PCDHA1: variants seen among roughly 807,000 people sequenced by gnomAD.
PCDHA1 encodes the protein protocadherin alpha-1.
PCDHA1 carries 42 observed loss-of-function variants against 61.3 expected under a neutral mutation model. The observed-to-expected ratio is 0.69, with a 90% CI of 0.54 to 0.89. PCDHA1 has a LOEUF of 0.89. Ranked by LOEUF, PCDHA1 falls within the 40% of genes least tolerant of loss-of-function variation. PCDHA1 has a pLI of 0.00. For missense variants in PCDHA1, 1,256 were observed against 1,235.3 expected, an observed-to-expected ratio of 1.02 and a Z score of -0.25; for synonymous variants, 610 against 553.8, an observed-to-expected ratio of 1.10 and a Z score of -1.43.
chr5:140,965,877 G>C (rs1355769719), intron 1 of PCDHA1, among the ~76,000 whole-genome samples: 3 of 152,210 alleles, frequency 2.0e-5, no homozygotes, highest in Non-Finnish European at 4.4e-5. Context: ...CCACTTGGCC[G>C]AGAGCAGAAT....
At chr5:140,846,565 G>A (rs1349132740) in intron 1 of PCDHA1, among the ~76,000 whole-genome samples, 1 of 147,896 alleles carries the variant, frequency 6.8e-6, no homozygotes, top group African/African-American at 2.5e-5. Flanking sequence ...TAGTAGAGTC[G>A]GGGTTTCACC....
intron 1 of PCDHA1, chr5:140,927,588 A>G (rs914756357): frequency 1.9e-6 from 3 of 1,614,210 alleles, no homozygotes; most frequent in East Asian, 2.2e-5. Context: ...ACGCGCCTGT[A>G]TTTGAGCGCT....
intron 1 of PCDHA1, chr5:140,803,183 G>A: frequency 6.2e-7 from 1 of 1,613,910 alleles, no homozygotes; most frequent in Non-Finnish European, 8.5e-7. Flanking sequence ...TGACCGCCAC[G>A]GCCACTGTGC....
At chr5:140,872,083 C>G (rs377675529) in intron 1 of PCDHA1, among the ~76,000 whole-genome samples, 1 of 152,284 alleles carries the variant, frequency 6.6e-6, no homozygotes, top group East Asian at 1.9e-4. Context: ...TGCAGTGCCA[C>G]TGCACTTAGT....
At chr5:140,983,408 A>G (rs1554245369) in intron 3 of PCDHA1, among the ~76,000 whole-genome samples, 1 of 152,208 alleles carries the variant, frequency 6.6e-6, no homozygotes, top group Non-Finnish European at 1.5e-5. Flanking sequence ...GGGAAGATTA[A>G]GTGTTGGTAG....
chr5:140,967,733 C>A (rs1473723959), intron 1 of PCDHA1: 1 of 1,614,024 alleles, frequency 6.2e-7, no homozygotes, highest in Non-Finnish European at 8.5e-7. Flanking sequence ...AATTGGGGGG[C>A]TGGATTATGA....
At chr5:140,897,009 A>G (rs550757061) in intron 1 of PCDHA1, among the ~76,000 whole-genome samples, 6 of 152,292 alleles carry the variant, frequency 3.9e-5, no homozygotes, top group African/African-American at 9.6e-5. Context: ...ATTTTTAAAT[A>G]TACAACTAAA....
intron 1 of PCDHA1, chr5:140,875,959 G>A: frequency 1.2e-6 from 2 of 1,614,070 alleles, no homozygotes; most frequent in South Asian, 1.1e-5. Flanking sequence ...TGCGGATATC[G>A]GCGTAAACTC....
At position 140,850,923 on chromosome 5, in the gene PCDHA1, AT is replaced by A. The variant is rs2150502772; in HGVS notation, c.2394+62247del. 1.2e-4 allele frequency: 181 copies of A among 1,521,692 alleles called. 10 individuals carry two copies. The South Asian group carries it at 1.6e-3, about 13-fold the overall frequency. 94.3% of individuals were successfully genotyped at this position (1,521,692 alleles called of 1,614,324 possible). ...TTCTAGCATTTTATTTATTTATATAATTTTTTTTCTTGAAAGATATTATCGA... is the reference window on the plus strand; with the variant it reads ...TTCTAGCATTTTATTTATTTATATAATTTTTTTCTTGAAAGATATTATCGA... On this transcript the variant is annotated intron_variant, in intron 1 of 3. Coordinates refer to ENST00000504120, the MANE Select transcript of PCDHA1 (RefSeq NM_018900.4).
chr5:140,929,074 G>T, intron 1 of PCDHA1: 2 of 1,614,182 alleles, frequency 1.2e-6, no homozygotes, highest in South Asian at 2.2e-5. Flanking sequence ...TCTGAGGTAT[G>T]GAAGTAAGAT....
intron 1 of PCDHA1, chr5:140,824,631 T>TTTTTTTTTTTTG (rs1768292344): frequency 8.2e-6 from 1 of 121,430 alleles, no homozygotes. Flanking sequence ...TTTTTTTTTT[T>TTTTTTTTTTTTG]TATTTTCTGT....
intron 1 of PCDHA1, chr5:140,824,719 C>T (rs1279844716): frequency 2.0e-5 from 3 of 150,334 alleles, no homozygotes; most frequent in African/African-American, 4.9e-5. Context: ...CTCAGCCTCC[C>T]GAAGTACTAA....
chr5:140,823,064 G>A (rs2150121897), intron 1 of PCDHA1: 1 of 1,614,062 alleles, frequency 6.2e-7, no homozygotes. Context: ...CGGGACGGGG[G>A]CTCGCCTTCG....
chr5:140,871,344 G>A (rs533115257), intron 1 of PCDHA1: 1 of 1,614,200 alleles, frequency 6.2e-7, no homozygotes, highest in African/African-American at 1.3e-5. Flanking sequence ...TGGGGAGCTG[G>A]TCATACTCGC....
intron 1 of PCDHA1, chr5:140,882,224 G>A (rs781909276): frequency 1.5e-5 from 24 of 1,558,680 alleles, no homozygotes; most frequent in Non-Finnish European, 1.9e-5. Flanking sequence ...TTGAGGTAAG[G>A]CGTTGTATAT....
At chr5:140,826,553 C>A (rs2150080050) in intron 1 of PCDHA1, among the ~76,000 whole-genome samples, 1 of 152,176 alleles carries the variant, frequency 6.6e-6, no homozygotes, top group South Asian at 2.1e-4. Flanking sequence ...TATTTTTCTC[C>A]TTTGAAGGAG....
chr5:140,985,716 A>G (rs960879186), intron 3 of PCDHA1, among the ~76,000 whole-genome samples: 7 of 113,758 alleles, frequency 6.2e-5, no homozygotes, highest in Admixed American at 2.6e-4. Flanking sequence ...TCTTAAAGTT[A>G]TTTTTCCTTC....
intron 1 of PCDHA1, chr5:140,927,596 G>T: frequency 6.2e-7 from 1 of 1,614,162 alleles, no homozygotes; most frequent in Non-Finnish European, 8.5e-7. Context: ...GTATTTGAGC[G>T]CTCCGTATAC....
intron 1 of PCDHA1, among the ~76,000 whole-genome samples, chr5:140,973,733 C>G (rs1273705154): frequency 6.6e-6 from 1 of 152,216 alleles, no homozygotes; most frequent in Non-Finnish European, 1.5e-5. Context: ...GGCATCTGGT[C>G]TAACTCAGAA....
Sources: allele counts gnomAD v4.1 joint callset (sites outside exome capture counted in the v4.1 genomes callset), GRCh38; gene constraint gnomAD v4.1.1; transcripts MANE v1.5; gene names NCBI Gene and HGNC (gene_info 2026-07-23, HGNC 2026-07-21).